The following PPARGC1A variants were observed in gnomAD, a reference collection of about 807,000 sequenced individuals.
The protein encoded by PPARGC1A is peroxisome proliferator-activated receptor gamma coactivator 1-alpha.
PPARGC1A carries 25 observed loss-of-function variants against 88.7 expected under a neutral mutation model. The ratio of observed to expected loss-of-function variants is 0.28; its 90% CI spans 0.21 to 0.39. The LOEUF (loss-of-function observed/expected upper bound fraction) is 0.39, where lower values mean the gene tolerates loss of function less well. Among genes scored for constraint, PPARGC1A ranks in the 10% least tolerant of loss-of-function variants. The pLI is 1.00. For synonymous variants in PPARGC1A, 363 were observed against 355.6 expected (o/e 1.02, Z -0.24); for missense variants, 880 against 968.7 (o/e 0.91, Z 1.22).
chr4:23,998,617 A>C, the PPARGC1A span, among the ~76,000 whole-genome samples: 1 of 152,222 alleles, frequency 6.6e-6, no homozygotes, highest in African/African-American at 2.4e-5. Context: ...CATCTAATTT[A>C]CTGACAACAA....
chr4:23,957,085 A>T, the PPARGC1A span, among the ~76,000 whole-genome samples: 183 of 152,156 alleles, frequency 1.2e-3, 1 homozygote, highest in African/African-American at 3.8e-3. Context: ...TCCTTTCCCA[A>T]GTTCACATGC....
the PPARGC1A span, among the ~76,000 whole-genome samples, chr4:24,083,970 A>G: frequency 6.6e-5 from 10 of 152,288 alleles, no homozygotes; most frequent in Admixed American, 5.9e-4. Flanking sequence ...CTACAGCCCT[A>G]TGAGATAGAT....
At chr4:23,951,203 G>A in the PPARGC1A span, among the ~76,000 whole-genome samples, 3 of 152,088 alleles carry the variant, frequency 2.0e-5, no homozygotes, top group South Asian at 6.2e-4. Flanking sequence ...GGTACACAGG[G>A]AATTGGGGGA....
the PPARGC1A span, among the ~76,000 whole-genome samples, chr4:24,215,952 C>T: frequency 1.3e-5 from 2 of 152,096 alleles, no homozygotes; most frequent in Non-Finnish European, 2.9e-5. Flanking sequence ...ATGTTCTAGG[C>T]ATGGAGCTAG....
the PPARGC1A span, among the ~76,000 whole-genome samples, chr4:24,295,997 T>TGTAG: frequency 7.4e-6 from 1 of 135,192 alleles, no homozygotes; most frequent in South Asian, 2.6e-4. Flanking sequence ...ACTATATATG[T>TGTAG]GTATGTATGT....
intron 2 of PPARGC1A, among the ~76,000 whole-genome samples, chr4:23,860,753 G>C (rs978030332): frequency 6.6e-6 from 1 of 152,094 alleles, no homozygotes; most frequent in Admixed American, 6.5e-5. Context: ...ATTCTAAAAA[G>C]TCAAGGAAAT....
the PPARGC1A span, among the ~76,000 whole-genome samples, chr4:23,966,740 C>A: frequency 6.6e-6 from 1 of 152,176 alleles, no homozygotes; most frequent in Non-Finnish European, 1.5e-5. Context: ...TCTATCAAAG[C>A]TTTGTTGCTG....
the PPARGC1A span, among the ~76,000 whole-genome samples, chr4:23,983,392 C>T: frequency 6.6e-6 from 1 of 152,068 alleles, no homozygotes; most frequent in Non-Finnish European, 1.5e-5. Flanking sequence ...ATATTAAAAT[C>T]AGATGCAGTG....
At chr4:24,270,555 G>C in the PPARGC1A span, among the ~76,000 whole-genome samples, 1 of 152,066 alleles carries the variant, frequency 6.6e-6, no homozygotes, top group Non-Finnish European at 1.5e-5. Context: ...GAAAGATTAT[G>C]AACATGAATT....
the PPARGC1A span, among the ~76,000 whole-genome samples, chr4:24,385,479 AATAG>A: frequency 2.0e-5 from 3 of 152,210 alleles, no homozygotes; most frequent in Non-Finnish European, 4.4e-5. Context: ...AGATTGACAA[AATAG>A]ATAGACCACT....
upstream of PPARGC1A, among the ~76,000 whole-genome samples, chr4:23,901,717 C>T (rs971225584): frequency 6.6e-6 from 1 of 152,136 alleles, no homozygotes; most frequent in Non-Finnish European, 1.5e-5. Flanking sequence ...AACAAAGCCA[C>T]AGGACAAAAC....
At position 23,799,825 on chromosome 4, in the gene PPARGC1A, T is replaced by C. The variant is rs147618565; in HGVS notation, c.2293+1905A>G. Among the ~76,000 whole-genome samples, 1,254 of 152,234 alleles carry C rather than the reference T, an allele frequency of 8.2e-3. 32 individuals carry two copies. The South Asian group carries it at 0.085, about 10-fold the overall frequency. On this transcript the variant is annotated intron_variant, in intron 12 of 12. Transcript: ENST00000264867. ...GATCTAAAGGCCCCTCTAGGTAGCT[T>C]ATTTTAAACTCTAGATGTTTTGAGA...
chr4:23,944,565 T>C, the PPARGC1A span, among the ~76,000 whole-genome samples: 1 of 152,176 alleles, frequency 6.6e-6, no homozygotes. Context: ...ACTGTTGATA[T>C]GGTTTGGCTG....
chr4:24,331,974 C>G, the PPARGC1A span, among the ~76,000 whole-genome samples: 1 of 151,936 alleles, frequency 6.6e-6, no homozygotes, highest in Admixed American at 6.6e-5. Context: ...GTGACGTTCC[C>G]CTCCCTGTGT....
the PPARGC1A span, among the ~76,000 whole-genome samples, chr4:24,184,795 A>AT: frequency 6.6e-6 from 1 of 152,334 alleles, no homozygotes; most frequent in Admixed American, 6.5e-5. Context: ...AGCTAAAATC[A>AT]TTTTCTAGGG....
the PPARGC1A span, among the ~76,000 whole-genome samples, chr4:24,330,565 T>G: frequency 6.6e-6 from 1 of 152,144 alleles, no homozygotes; most frequent in East Asian, 1.9e-4. Flanking sequence ...AGAAGCTCCA[T>G]GACAGACCAC....
At chr4:24,181,090 C>T in the PPARGC1A span, among the ~76,000 whole-genome samples, 146,816 of 152,260 alleles carry the variant, frequency 0.96, 70,905 homozygotes, top group South Asian at 0.99. Flanking sequence ...GGAAATGCCA[C>T]AAACAAGTAA....
At chr4:24,083,798 G>A in the PPARGC1A span, among the ~76,000 whole-genome samples, 2 of 152,194 alleles carry the variant, frequency 1.3e-5, no homozygotes, top group African/African-American at 4.8e-5. Context: ...TTGTTTGTTA[G>A]CCATTTACTA....
At chr4:24,451,727 G>A in the PPARGC1A span, among the ~76,000 whole-genome samples, 4 of 152,198 alleles carry the variant, frequency 2.6e-5, no homozygotes, top group South Asian at 6.2e-4. Context: ...ACAGGCACAC[G>A]CCACCACACC....
Sources: gnomAD v4.1 joint callset for allele counts (sites outside exome capture counted in the v4.1 genomes callset) on GRCh38, gnomAD v4.1.1 for gene constraint, MANE v1.5 for transcripts, NCBI Gene and HGNC (gene_info 2026-07-23, HGNC 2026-07-21) for gene names.